PTPRN2: variants seen among roughly 807,000 people sequenced by gnomAD.
PTPRN2 encodes the protein receptor-type tyrosine-protein phosphatase N2.
A neutral mutation model predicts 118.8 loss-of-function variants in PTPRN2; 74 were observed. That is an observed-to-expected ratio of 0.62 (90% CI 0.52 to 0.76). The LOEUF (loss-of-function observed/expected upper bound fraction) is 0.76, where lower values mean the gene tolerates loss of function less well. PTPRN2 is among the 30% of genes least tolerant of loss of function. The pLI is 0.00. For synonymous variants in PTPRN2, 641 were observed against 608.0 expected, an observed-to-expected ratio of 1.05 and a Z score of -0.80; for missense variants, 1,481 against 1,394.4, an observed-to-expected ratio of 1.06 and a Z score of -0.99.
chr7:157,714,836 A>C (rs750503796), intron 12 of PTPRN2, among the ~76,000 whole-genome samples: 5 of 151,600 alleles, frequency 3.3e-5, no homozygotes, highest in Non-Finnish European at 7.4e-5. Flanking sequence ...GGGGAACGGC[A>C]CTGAGCTTGA....
At chr7:157,898,342 A>C (rs906987224) in intron 12 of PTPRN2, among the ~76,000 whole-genome samples, 6 of 152,192 alleles carry the variant, frequency 3.9e-5, no homozygotes, top group African/African-American at 1.2e-4. Flanking sequence ...ATTCATTTTC[A>C]CACACTTGGC....
chr7:157,902,731 A>T (rs945306775), intron 11 of PTPRN2, among the ~76,000 whole-genome samples: 3 of 152,232 alleles, frequency 2.0e-5, no homozygotes, highest in Non-Finnish European at 4.4e-5. Context: ...AGTGAGGCTG[A>T]TAAACGAGTC....
At chr7:157,939,143 T>C (rs1395723069) in intron 11 of PTPRN2, among the ~76,000 whole-genome samples, 1 of 152,032 alleles carries the variant, frequency 6.6e-6, no homozygotes, top group African/African-American at 2.4e-5. Flanking sequence ...AGCACGCAGG[T>C]CCCCACCTCA....
rs79029935 is a variant in PTPRN2, at chr7:158,544,959, C to A, written c.112+42599G>T. ...GAAAGCCCCACGTGGAGCAGAGGGG[C>A]ATCTGGAGCTCCTGCCCAGAAATGG... On this transcript the variant is annotated intron_variant, in intron 1 of 22. Transcript: ENST00000389418. This position sits in a 1 kb window ranked among gnomAD's most constrained non-coding sequence, Gnocchi z 4.2. Among the ~76,000 whole-genome samples the A allele has an allele frequency of 0.029, 4,462 of 152,312 alleles. 229 individuals carry two copies. The highest frequency in any genetic ancestry group is 0.1 in the African/African-American group (4,153 of 41,550).
At chr7:158,406,042 C>T (rs1477899873) in intron 2 of PTPRN2, among the ~76,000 whole-genome samples, 5 of 140,242 alleles carry the variant, frequency 3.6e-5, no homozygotes, top group Middle Eastern at 4.2e-3. Context: ...GTGGCTCATC[C>T]GTGAGACACG....
At chr7:158,285,526 A>T (rs1430436897) in intron 3 of PTPRN2, among the ~76,000 whole-genome samples, 3 of 152,116 alleles carry the variant, frequency 2.0e-5, no homozygotes, top group Non-Finnish European at 4.4e-5. Context: ...AGGAGGCTGG[A>T]CCTGCTCTTG....
At chr7:157,650,417 G>A (rs1169027595) in intron 14 of PTPRN2, among the ~76,000 whole-genome samples, 1 of 152,230 alleles carries the variant, frequency 6.6e-6, no homozygotes, top group African/African-American at 2.4e-5. Context: ...CCAAATGTGC[G>A]CCACAAAGCC....
At chr7:158,068,590 G>A (rs1006911347) in intron 11 of PTPRN2, among the ~76,000 whole-genome samples, 1 of 152,216 alleles carries the variant, frequency 6.6e-6, no homozygotes, top group Non-Finnish European at 1.5e-5. Context: ...CCTATTGAAT[G>A]TGAGCACTCA....
At position 158,478,701 on chromosome 7, in the gene PTPRN2, G is replaced by A. The variant is rs140996871; in HGVS notation, c.163+11034C>T. Among the ~76,000 whole-genome samples, 1,057 of 152,220 alleles carry A rather than the reference G, an allele frequency of 6.9e-3. 12 individuals are homozygous for A. Among genetic ancestry groups the A allele is most frequent in the Non-Finnish European group, 0.012 (842 of 68,012 alleles). On this transcript the variant is annotated intron_variant, in intron 2 of 22. Transcript: ENST00000389418. ...GAAGGTTTCATATCAGGATGACTGTGGGGGGCAGACGAGAAACACAACTTA... is the reference window on the plus strand; with the variant it reads ...GAAGGTTTCATATCAGGATGACTGTAGGGGGCAGACGAGAAACACAACTTA...
At chr7:158,359,748 A>G (rs1459420638) in intron 2 of PTPRN2, among the ~76,000 whole-genome samples, 5 of 152,228 alleles carry the variant, frequency 3.3e-5, no homozygotes, top group Non-Finnish European at 7.3e-5. Flanking sequence ...GGATAATGAA[A>G]GCAATTTATT....
At chr7:157,991,790 G>C (rs945958809) in intron 11 of PTPRN2, among the ~76,000 whole-genome samples, 2 of 151,398 alleles carry the variant, frequency 1.3e-5, no homozygotes, top group East Asian at 3.9e-4. Flanking sequence ...GCAAGAGTGA[G>C]ATTAGACCCT....
At chr7:158,183,437 G>T (rs554312592) in intron 5 of PTPRN2, among the ~76,000 whole-genome samples, 1 of 152,252 alleles carries the variant, frequency 6.6e-6, no homozygotes, top group Non-Finnish European at 1.5e-5. Context: ...TCCCCCCTGG[G>T]TTATGGCCAA....
chr7:158,555,104 G>A lies in PTPRN2; in HGVS notation c.112+32454C>T, dbSNP rs544614920. On this transcript the variant is annotated intron_variant, in intron 1 of 22. Coordinates refer to ENST00000389418, the MANE Select transcript of PTPRN2 (RefSeq NM_002847.5). The surrounding 1 kb of genome is among the most constrained non-coding windows in gnomAD (Gnocchi z 4.7). Reference sequence around the variant, plus strand: ...ACACCAGATGCACATTACAAAGAGCGTCACAGTGGAATGAGAGGAAAGCCT... The same window carrying A: ...ACACCAGATGCACATTACAAAGAGCATCACAGTGGAATGAGAGGAAAGCCT... 1.2e-4 allele frequency among the ~76,000 whole-genome samples: 19 copies of A among 152,276 alleles called. No homozygotes were observed. Among genetic ancestry groups the A allele is most frequent in the Admixed American group, 2.6e-4 (4 of 15,298 alleles).
At chr7:157,897,143 C>T (rs1797175485) in intron 12 of PTPRN2, among the ~76,000 whole-genome samples, 1 of 152,200 alleles carries the variant, frequency 6.6e-6, no homozygotes, top group Non-Finnish European at 1.5e-5. Context: ...ACACCATTAT[C>T]CCTCTAGGAA....
rs553510541 is a variant in PTPRN2, at chr7:158,546,798, T to C, written c.112+40760A>G. On this transcript the variant is annotated intron_variant, in intron 1 of 22. Coordinates refer to ENST00000389418, the MANE Select transcript of PTPRN2 (RefSeq NM_002847.5). This position sits in a 1 kb window ranked among gnomAD's most constrained non-coding sequence, Gnocchi z 5.0. ...TTGTGAGTTGAGCACGTCTCACGTA[T>C]GCACCAACATGCAGATGCACACACA... 1.9e-4 allele frequency among the ~76,000 whole-genome samples: 29 copies of C among 152,340 alleles called. No individual in the cohort carries two copies. The highest frequency in any genetic ancestry group is 6.7e-4 in the African/African-American group (28 of 41,580).
intron 2 of PTPRN2, among the ~76,000 whole-genome samples, chr7:158,448,423 G>A (rs1817874519): frequency 6.6e-6 from 1 of 152,048 alleles, no homozygotes; most frequent in Non-Finnish European, 1.5e-5. Context: ...TTTCCACACT[G>A]CTTTCATCAG....
intron 10 of PTPRN2, among the ~76,000 whole-genome samples, chr7:158,103,656 T>C (rs1443775724): frequency 6.6e-6 from 1 of 152,140 alleles, no homozygotes; most frequent in Non-Finnish European, 1.5e-5. Context: ...TTCAAACAGC[T>C]CAGGGGCAGG....
At chr7:158,408,292 C>CTATGCA (rs1475324124) in intron 2 of PTPRN2, among the ~76,000 whole-genome samples, 2 of 152,214 alleles carry the variant, frequency 1.3e-5, no homozygotes, top group Non-Finnish European at 2.9e-5. Flanking sequence ...AAGAACACCA[C>CTATGCA]TATGCATATT....
At chr7:158,556,243 AT>A (rs1826981733) in intron 1 of PTPRN2, among the ~76,000 whole-genome samples, 1 of 152,164 alleles carries the variant, frequency 6.6e-6, no homozygotes, top group African/African-American at 2.4e-5. Context: ...ATAGATAGAG[AT>A]GATTGATACG....
Sources: allele counts gnomAD v4.1 joint callset (sites outside exome capture counted in the v4.1 genomes callset), GRCh38; gene constraint gnomAD v4.1.1; non-coding constraint Gnocchi (gnomAD v3.1); transcripts MANE v1.5; gene names NCBI Gene and HGNC (gene_info 2026-07-23, HGNC 2026-07-21).